Variants in AFF1 observed in about 807,000 individuals in gnomAD.
The protein encoded by AFF1 is ALF transcription elongation factor 1.
AFF1 carries 48 observed loss-of-function variants against 121.7 expected under a neutral mutation model. The ratio of observed to expected loss-of-function variants is 0.39; its 90% CI spans 0.31 to 0.50. The LOEUF (loss-of-function observed/expected upper bound fraction) is 0.50, where lower values mean the gene tolerates loss of function less well. Ranked by LOEUF, AFF1 falls within the 20% of genes least tolerant of loss-of-function variation. The probability of loss-of-function intolerance (pLI) is 0.76; values close to 1 mark genes in which losing one functional copy is unlikely to be tolerated. For missense variants in AFF1, 1,523 were observed against 1,511.7 expected (o/e 1.01, Z -0.12); for synonymous variants, 613 against 563.0 (o/e 1.09, Z -1.26).
intron 2 of AFF1, among the ~76,000 whole-genome samples, chr4:86,976,007 G>T (rs151275742): frequency 2.8e-4 from 42 of 152,260 alleles, no homozygotes; most frequent in African/African-American, 9.4e-4. Flanking sequence ...TTATTATAGG[G>T]TGAGTATAGC....
chr4:87,127,881 C>G (rs1437579799), intron 16 of AFF1, among the ~76,000 whole-genome samples, 178 bp downstream of exon 16: 1 of 152,090 alleles, frequency 6.6e-6, no homozygotes, highest in Non-Finnish European at 1.5e-5. Context: ...AACATATGCA[C>G]GCAGCAAAAT....
At chr4:87,016,942 T>C (rs1435353966) in intron 2 of AFF1, among the ~76,000 whole-genome samples, 1 of 152,206 alleles carries the variant, frequency 6.6e-6, no homozygotes, top group African/African-American at 2.4e-5. Context: ...CATGTATCAG[T>C]GGTTCTATCC....
chr4:87,010,024 G>A (rs1009733248), intron 2 of AFF1, among the ~76,000 whole-genome samples: 16 of 152,150 alleles, frequency 1.1e-4, no homozygotes, highest in African/African-American at 3.6e-4. Flanking sequence ...TTATGCAAAT[G>A]GATTAGGCGG....
intron 20 of AFF1, among the ~76,000 whole-genome samples, 157 bp downstream of exon 20, chr4:87,134,851 TGC>T (rs764110748): frequency 2.0e-5 from 2 of 102,216 alleles, no homozygotes; most frequent in African/African-American, 3.0e-5. Context: ...AAAACCTAGT[TGC>T]GGTTGTTCCT....
intron 4 of AFF1, among the ~76,000 whole-genome samples, chr4:87,080,977 A>G (rs1419747824): frequency 6.6e-6 from 1 of 152,144 alleles, no homozygotes; most frequent in Non-Finnish European, 1.5e-5. Context: ...ACACAAAAGT[A>G]TTTAGGGATA....
At chr4:86,939,338 G>C (rs1720286757) in intron 1 of AFF1, among the ~76,000 whole-genome samples, 1 of 152,150 alleles carries the variant, frequency 6.6e-6, no homozygotes, top group South Asian at 2.1e-4. Flanking sequence ...CACTGTGTTG[G>C]CTATGTTGAT....
intron 2 of AFF1, among the ~76,000 whole-genome samples, chr4:86,994,698 A>G (rs937893821): frequency 6.6e-6 from 1 of 152,232 alleles, no homozygotes; most frequent in Non-Finnish European, 1.5e-5. Context: ...ATAAGCTATC[A>G]GAGAAGGCTT....
intron 2 of AFF1, among the ~76,000 whole-genome samples, chr4:87,007,747 A>T (rs964901939): frequency 2.0e-5 from 3 of 152,158 alleles, no homozygotes; most frequent in African/African-American, 7.2e-5. Flanking sequence ...ATTTCCATTT[A>T]GATTCTTTGT....
chr4:86,978,425 A>G (rs1227028017), intron 2 of AFF1, among the ~76,000 whole-genome samples: 1 of 151,242 alleles, frequency 6.6e-6, no homozygotes, highest in Non-Finnish European at 1.5e-5. Context: ...TTCATGATCC[A>G]CCCACCTCGG....
chr4:87,013,303 G>A (rs531446498), intron 2 of AFF1, among the ~76,000 whole-genome samples: 38 of 152,232 alleles, frequency 2.5e-4, no homozygotes, highest in African/African-American at 9.2e-4. Context: ...GCCTCCCAAA[G>A]TGCTGGGATT....
intron 2 of AFF1, among the ~76,000 whole-genome samples, chr4:86,989,842 A>G (rs1724560862): frequency 6.6e-6 from 1 of 152,252 alleles, no homozygotes. Context: ...AATACTATGC[A>G]GACATAAAAA....
intron 4 of AFF1, among the ~76,000 whole-genome samples, chr4:87,055,051 C>T (rs1201971666): frequency 6.6e-6 from 1 of 152,156 alleles, no homozygotes; most frequent in Non-Finnish European, 1.5e-5. Context: ...GATCACAGCT[C>T]ACTTCAGCCT....
chr4:87,119,444 G>A, intron 12 of AFF1, among the ~76,000 whole-genome samples: 1 of 152,032 alleles, frequency 6.6e-6, no homozygotes, highest in East Asian at 1.9e-4. Flanking sequence ...AGTAGCGCAT[G>A]CCTGAGGTCC....
chr4:87,056,384 T>G (rs530327966), intron 4 of AFF1, among the ~76,000 whole-genome samples: 17 of 152,302 alleles, frequency 1.1e-4, no homozygotes, highest in African/African-American at 3.6e-4. Context: ...GAGGTATTCT[T>G]AACAACCCCA....
At chr4:87,081,701 C>A (rs376583279) in intron 4 of AFF1, among the ~76,000 whole-genome samples, 35 of 152,096 alleles carry the variant, frequency 2.3e-4, no homozygotes, top group Middle Eastern at 3.2e-3. Flanking sequence ...AATCACTGTT[C>A]CCCTTTGAAA....
At chr4:86,949,950 G>A in intron 2 of AFF1, 2 of 1,614,138 alleles carry the variant, frequency 1.2e-6, no homozygotes, top group Non-Finnish European at 1.7e-6. Context: ...AGGTCCCGCA[G>A]GGCCATGTGG....
At chr4:86,976,398 A>G (rs557929637) in intron 2 of AFF1, among the ~76,000 whole-genome samples, 2 of 152,308 alleles carry the variant, frequency 1.3e-5, no homozygotes, top group East Asian at 3.9e-4. Flanking sequence ...GACTAGATAA[A>G]GAAAATGTGG....
At chr4:87,000,262 C>T (rs892913067) in intron 2 of AFF1, among the ~76,000 whole-genome samples, 1 of 152,202 alleles carries the variant, frequency 6.6e-6, no homozygotes, top group Admixed American at 6.5e-5. Flanking sequence ...GAAGGGAAAA[C>T]AGCCAAAACC....
rs570436896 is a variant in AFF1 at position 87,022,871 on chromosome 4, A to G, written c.39-23295A>G. ...TGCCTCAATAAGTAACGTTAGAATCATACATCCAAGCCAAAATCTTTATTT... is the reference window on the plus strand; with the variant it reads ...TGCCTCAATAAGTAACGTTAGAATCGTACATCCAAGCCAAAATCTTTATTT... On this transcript the variant is annotated intron_variant, in intron 2 of 20. Coordinates refer to ENST00000395146, the MANE Select transcript of AFF1 (RefSeq NM_001166693.3). 3.3e-5 allele frequency among the ~76,000 whole-genome samples: 5 copies of G among 151,742 alleles called. No individual in the cohort carries two copies. In the South Asian group the frequency reaches 1.0e-3, roughly 32 times the overall value.
Sources: gnomAD v4.1 joint callset for allele counts (sites outside exome capture counted in the v4.1 genomes callset) on GRCh38, gnomAD v4.1.1 for gene constraint, MANE v1.5 for transcripts, NCBI Gene and HGNC (gene_info 2026-07-23, HGNC 2026-07-21) for gene names.